The following DLG2 variants were observed in gnomAD, a reference collection of about 807,000 sequenced individuals.
DLG2 encodes the protein discs large MAGUK scaffold protein 2, also known as disks large homolog 2.
In DLG2, 45 loss-of-function variants were observed where a neutral mutation model predicts 132.5. The ratio of observed to expected loss-of-function variants is 0.34; its 90% CI spans 0.27 to 0.44. DLG2 has a LOEUF of 0.44. DLG2 is among the 20% of genes least tolerant of loss of function. DLG2 has a pLI of 1.00. For synonymous variants in DLG2, 424 were observed against 419.6 expected, an observed-to-expected ratio of 1.01 and a Z score of -0.13; for missense variants, 1,045 against 1,196.9, an observed-to-expected ratio of 0.87 and a Z score of 1.87.
chr11:84,141,472 C>A (rs755641296), intron 9 of DLG2, among the ~76,000 whole-genome samples: 1 of 152,156 alleles, frequency 6.6e-6, no homozygotes, highest in East Asian at 1.9e-4. Flanking sequence ...AACACACACT[C>A]TCAGGAGGAA....
chr11:84,133,873 C>T (rs2094509694), intron 9 of DLG2, among the ~76,000 whole-genome samples: 1 of 152,018 alleles, frequency 6.6e-6, no homozygotes, highest in Non-Finnish European at 1.5e-5. Context: ...AATGAGGTAG[C>T]TGTGTTGAGC....
intron 4 of DLG2, among the ~76,000 whole-genome samples, chr11:85,209,652 C>A (rs1278514377): frequency 6.9e-6 from 1 of 145,334 alleles, no homozygotes; most frequent in Non-Finnish European, 1.5e-5. Context: ...GTTGGCTAGG[C>A]TGATCTTGAA....
At chr11:84,189,445 C>T (rs1002523833) in intron 8 of DLG2, among the ~76,000 whole-genome samples, 1 of 152,150 alleles carries the variant, frequency 6.6e-6, no homozygotes, top group African/African-American at 2.4e-5. Context: ...GCAGAAATAC[C>T]ATTTGGTCCA....
chr11:84,494,829 A>T (rs942221038), intron 7 of DLG2, among the ~76,000 whole-genome samples: 70 of 152,284 alleles, frequency 4.6e-4, no homozygotes, highest in African/African-American at 1.7e-3. Flanking sequence ...ACTTGCTGCA[A>T]CATCTTCCAA....
intron 18 of DLG2, among the ~76,000 whole-genome samples, chr11:83,769,564 T>C (rs2094294609): frequency 6.7e-6 from 1 of 149,494 alleles, no homozygotes; most frequent in African/African-American, 2.5e-5. Context: ...TAGCTTCTTT[T>C]TTTTTTTTTT....
At chr11:84,600,515 G>A (rs1026933822) in intron 6 of DLG2, among the ~76,000 whole-genome samples, 1 of 152,130 alleles carries the variant, frequency 6.6e-6, no homozygotes, top group Admixed American at 6.6e-5. Flanking sequence ...GGATTATTGA[G>A]GCTAAGTAAC....
At chr11:85,286,069 A>C (rs1246294368) in intron 3 of DLG2, 2 of 439,366 alleles carry the variant, frequency 4.6e-6, no homozygotes, top group African/African-American at 2.1e-5. Context: ...ACCTCCAAGA[A>C]GTCAACAGGA....
At chr11:85,588,475 C>T (rs775051208) in intron 3 of DLG2, among the ~76,000 whole-genome samples, 2 of 152,130 alleles carry the variant, frequency 1.3e-5, no homozygotes, top group South Asian at 2.1e-4. Flanking sequence ...ATTGTTGAAA[C>T]TTTCTGGTGC....
At chr11:85,234,193 C>A (rs2056182) in intron 4 of DLG2, among the ~76,000 whole-genome samples, 12,714 of 151,842 alleles carry the variant, frequency 0.084, 671 homozygotes, top group African/African-American at 0.14. Flanking sequence ...GGTACATCAA[C>A]AAACAGAGTC....
In DLG2 at chr11:84,579,028, C is replaced by A. The variant is rs181672840; in HGVS notation, c.358-44297G>T. 5.2e-3 allele frequency among the ~76,000 whole-genome samples: 789 copies of A among 152,244 alleles called. 4 individuals are homozygous for A. Among genetic ancestry groups the A allele is most frequent in the Non-Finnish European group, 7.9e-3 (536 of 68,022 alleles). ...TTACTTCTTTCCCATTTTTCTCTTG[C>A]CACTGCCATTTAAGAAGTGCCTTTT... On this transcript the variant is annotated intron_variant, in intron 6 of 27. Coordinates refer to ENST00000376104, the MANE Select transcript of DLG2 (RefSeq NM_001142699.3).
chr11:85,535,020 A>G (rs1170276871), intron 3 of DLG2, among the ~76,000 whole-genome samples: 10 of 152,162 alleles, frequency 6.6e-5, no homozygotes. Context: ...TGACTTTTTA[A>G]TATAGTCATT....
chr11:85,195,025 GAGA>G (rs2080922489), intron 4 of DLG2, among the ~76,000 whole-genome samples: 2 of 152,172 alleles, frequency 1.3e-5, no homozygotes, highest in Non-Finnish European at 2.9e-5. Flanking sequence ...AATCTAAAAA[GAGA>G]AGGCCAGAGA....
At chr11:85,321,616 G>A (rs2081075099) in intron 3 of DLG2, among the ~76,000 whole-genome samples, 1 of 151,988 alleles carries the variant, frequency 6.6e-6, no homozygotes, top group African/African-American at 2.4e-5. Context: ...GAAGATCTAG[G>A]TAAGATGACT....
At chr11:84,735,928 T>C (rs1324389826) in intron 6 of DLG2, among the ~76,000 whole-genome samples, 2 of 152,040 alleles carry the variant, frequency 1.3e-5, no homozygotes, top group Non-Finnish European at 2.9e-5. Flanking sequence ...CAATTTATTA[T>C]TTTTTCCTTT....
At chr11:85,000,171 G>A (rs1000593138) in intron 6 of DLG2, among the ~76,000 whole-genome samples, 1 of 152,046 alleles carries the variant, frequency 6.6e-6, no homozygotes, top group Non-Finnish European at 1.5e-5. Context: ...TGTATGTCAG[G>A]TAAAGAGTGT....
At chr11:85,353,925 C>A (rs1045667514) in intron 3 of DLG2, among the ~76,000 whole-genome samples, 12 of 151,058 alleles carry the variant, frequency 7.9e-5, no homozygotes, top group African/African-American at 2.7e-4. Flanking sequence ...CAACATGGCG[C>A]ATGTATACAT....
chr11:84,147,506 C>G (rs897733925), intron 9 of DLG2, among the ~76,000 whole-genome samples: 1 of 152,066 alleles, frequency 6.6e-6, no homozygotes, highest in Non-Finnish European at 1.5e-5. Context: ...ATCATAGTCT[C>G]AAACTATTGA....
rs776520040 is a variant in DLG2 at position 84,624,857 on chromosome 11, C to CTT, written c.358-90128_358-90127dup. ...AGTTACCTCTCAGAAGAGAGTCAAC[C>CTT]TTTTTTTTTTTTTTTTTTGAGACGG... On this transcript the variant is annotated intron_variant, in intron 6 of 27. Coordinates refer to ENST00000376104, the MANE Select transcript of DLG2 (RefSeq NM_001142699.3). Among the ~76,000 whole-genome samples the CTT allele has an allele frequency of 6.7e-4, 51 of 76,168 alleles. 9 individuals are homozygous for CTT. Among genetic ancestry groups the CTT allele is most frequent in the African/African-American group, 2.1e-3 (18 of 8,544 alleles). 50.0% of individuals were successfully genotyped at this position (76,168 alleles called of 152,430 possible).
chr11:85,405,170 C>T (rs957651101), intron 3 of DLG2, among the ~76,000 whole-genome samples: 1 of 151,890 alleles, frequency 6.6e-6, no homozygotes, highest in East Asian at 1.9e-4. Flanking sequence ...GTGCTCAGTC[C>T]CAGCTCTGCC....
Sources: allele counts gnomAD v4.1 joint callset (sites outside exome capture counted in the v4.1 genomes callset), GRCh38; gene constraint gnomAD v4.1.1; transcripts MANE v1.5; gene names NCBI Gene and HGNC (gene_info 2026-07-23, HGNC 2026-07-21).